Variants in CCDC3 observed in about 807,000 individuals in gnomAD.
CCDC3 encodes the protein coiled-coil domain-containing protein 3.
CCDC3 carries 24 observed loss-of-function variants against 21.4 expected under a neutral mutation model. That is an observed-to-expected ratio of 1.12 (90% CI 0.81 to 1.58). The LOEUF (loss-of-function observed/expected upper bound fraction) is 1.58, where lower values mean the gene tolerates loss of function less well. Among genes scored for constraint, CCDC3 ranks in the 40% most tolerant of loss-of-function variants. CCDC3 has a pLI of 0.00. For missense variants in CCDC3, 425 were observed against 360.9 expected (o/e 1.18, Z -1.44); for synonymous variants, 186 against 166.0 (o/e 1.12, Z -0.93).
chr10:12,995,387 G>A (rs73583879), intron 2 of CCDC3, among the ~76,000 whole-genome samples: 12 of 152,016 alleles, frequency 7.9e-5, no homozygotes, highest in South Asian at 2.1e-4. Flanking sequence ...GATTACAGGC[G>A]CGTACCACCA....
At chr10:13,058,312 T>G in intron 4 of CCDC3, 1 of 1,351,926 alleles carries the variant, frequency 7.4e-7, no homozygotes, top group Non-Finnish European at 1.0e-6. Context: ...TCACCTTCAC[T>G]TGGCCTTCAT....
At chr10:13,092,251 CTCT>C (rs1832581017) in intron 3 of CCDC3, among the ~76,000 whole-genome samples, 2 of 152,186 alleles carry the variant, frequency 1.3e-5, no homozygotes, top group African/African-American at 4.8e-5. Context: ...AGAGACTCTT[CTCT>C]TGTTTCTATA....
At chr10:12,990,197 C>T (rs1835660390) in intron 2 of CCDC3, among the ~76,000 whole-genome samples, 1 of 148,546 alleles carries the variant, frequency 6.7e-6, no homozygotes, top group Admixed American at 6.9e-5. Context: ...GCGGAGCTTG[C>T]AGTGAGCCAA....
At chr10:12,903,060 G>C (rs1187197457) in intron 2 of CCDC3, among the ~76,000 whole-genome samples, 3 of 152,174 alleles carry the variant, frequency 2.0e-5, no homozygotes, top group African/African-American at 2.4e-5. Flanking sequence ...GTTTCAGTAG[G>C]AGCAAAAGAC....
intron 4 of CCDC3, among the ~76,000 whole-genome samples, chr10:13,064,823 TC>T (rs1392476876): frequency 6.6e-6 from 1 of 152,068 alleles, no homozygotes; most frequent in Non-Finnish European, 1.5e-5. Flanking sequence ...ACTGGTTCTG[TC>T]CTGAAAGGCA....
At chr10:13,039,402 G>A (rs1380974239) in intron 5 of CCDC3, among the ~76,000 whole-genome samples, 2 of 147,560 alleles carry the variant, frequency 1.4e-5, no homozygotes, top group Non-Finnish European at 3.0e-5. Context: ...CAGCCTGGGC[G>A]ACAGAACAAG....
intron 5 of CCDC3, among the ~76,000 whole-genome samples, chr10:13,010,591 A>T (rs1157928697): frequency 6.6e-6 from 1 of 152,228 alleles, no homozygotes; most frequent in Non-Finnish European, 1.5e-5. Flanking sequence ...CATATGATTA[A>T]GCCATTCCAC....
intron 2 of CCDC3, among the ~76,000 whole-genome samples, chr10:12,963,170 C>A (rs1835206150): frequency 6.6e-6 from 1 of 152,162 alleles, no homozygotes; most frequent in African/African-American, 2.4e-5. Context: ...ATTAAGCGAT[C>A]ATATTTTTTC....
intron 2 of CCDC3, among the ~76,000 whole-genome samples, chr10:12,926,555 G>A (rs1221651778): frequency 1.3e-5 from 2 of 151,976 alleles, no homozygotes; most frequent in Non-Finnish European, 2.9e-5. Flanking sequence ...GTTCTATTGG[G>A]CAGGAAAAAA....
chr10:13,039,546 T>C (rs1588400757), intron 5 of CCDC3, among the ~76,000 whole-genome samples: 1 of 152,240 alleles, frequency 6.6e-6, no homozygotes, highest in Admixed American at 6.5e-5. Flanking sequence ...AGTTACTTAG[T>C]ATCTTTTGCC....
intron 5 of CCDC3, among the ~76,000 whole-genome samples, chr10:13,028,731 TGA>T (rs1162476634): frequency 1.3e-5 from 2 of 152,152 alleles, no homozygotes; most frequent in African/African-American, 4.8e-5. Flanking sequence ...GATGAATTGA[TGA>T]GATAGAAATA....
At chr10:13,077,629 C>T (rs1836982806) in intron 3 of CCDC3, among the ~76,000 whole-genome samples, 1 of 151,556 alleles carries the variant, frequency 6.6e-6, no homozygotes, top group East Asian at 1.9e-4. Flanking sequence ...CTACAGTAAC[C>T]AAAACAGCAC....
At chr10:13,093,188 T>G (rs973001036) in intron 3 of CCDC3, among the ~76,000 whole-genome samples, 1 of 152,132 alleles carries the variant, frequency 6.6e-6, no homozygotes, top group Non-Finnish European at 1.5e-5. Context: ...TTTAATGGAC[T>G]CACAGTTCCA....
At chr10:12,942,876 C>T (rs758557223) in intron 2 of CCDC3, among the ~76,000 whole-genome samples, 6 of 152,166 alleles carry the variant, frequency 3.9e-5, no homozygotes, top group Non-Finnish European at 7.4e-5. Flanking sequence ...CTTAAACTCA[C>T]TCCTTGTGTG....
In CCDC3 at chr10:12,998,443, TTGAG is replaced by T. The variant is rs1239668175; in HGVS notation, c.440_443del (p.Thr147LysfsTer74). 2 of 1,614,136 alleles carry T rather than the reference TTGAG, an allele frequency of 1.2e-6. No individual in the cohort carries two copies. Among genetic ancestry groups the T allele is most frequent in the Non-Finnish European group, 1.7e-6 (2 of 1,180,012 alleles). Reference sequence around the variant, plus strand: ...GGCTAGAAAACATCCTTCTGTTCTCTTGAGTGTCTGGGAAGATGGCATCTTGGAA... The same window carrying T: ...GGCTAGAAAACATCCTTCTGTTCTCTTGTCTGGGAAGATGGCATCTTGGAA... On this transcript the variant is annotated frameshift_variant, in exon 2 of 3. Transcript: ENST00000378825. LOFTEE classifies it high-confidence loss of function.
intron 2 of CCDC3, among the ~76,000 whole-genome samples, chr10:12,971,386 C>T (rs1319059767): frequency 1.3e-5 from 2 of 152,204 alleles, no homozygotes; most frequent in Admixed American, 6.5e-5. Context: ...TCTTTGAGAA[C>T]CTTAGATCTC....
In CCDC3 at chr10:12,897,263, G is replaced by A. The variant is rs1339369888; in HGVS notation, c.*1153C>T. The A allele has an allele frequency of 6.6e-6, 1 of 152,224 alleles. No homozygotes were observed. Among genetic ancestry groups the A allele is most frequent in the Non-Finnish European group, 1.5e-5 (1 of 68,044 alleles). The allele number at this position is 152,224 out of a possible 1,614,324, so 9.4% of individuals were successfully genotyped here. On this transcript the variant is annotated 3_prime_UTR_variant, in exon 3 of 3. Coordinates refer to ENST00000378825, the MANE Select transcript of CCDC3 (RefSeq NM_031455.4). ...AGCTGGGACCCACTCAAATGTGCCT[G>A]AGCAATAAGTCTAGTGAATACTCTC...
chr10:12,945,769 A>T (rs1180534602), intron 2 of CCDC3, among the ~76,000 whole-genome samples: 1 of 152,188 alleles, frequency 6.6e-6, no homozygotes, highest in Non-Finnish European at 1.5e-5. Context: ...AAGAAAATGG[A>T]ATCATTTCTA....
At chr10:13,053,026 G>T in intron 4 of CCDC3, among the ~76,000 whole-genome samples, 1 of 148,630 alleles carries the variant, frequency 6.7e-6, no homozygotes, top group Non-Finnish European at 1.5e-5. Flanking sequence ...TTTTTTTCTT[G>T]CCTTCCAATG....
Sources: allele counts gnomAD v4.1 joint callset (sites outside exome capture counted in the v4.1 genomes callset), GRCh38; gene constraint gnomAD v4.1.1; transcripts MANE v1.5; gene names NCBI Gene and HGNC (gene_info 2026-07-23, HGNC 2026-07-21).